The following SLMAP variants were observed in gnomAD, a reference collection of about 807,000 sequenced individuals.
The protein encoded by SLMAP is sarcolemmal membrane-associated protein.
Under a neutral mutation model 128.8 loss-of-function variants are expected in SLMAP, and 44 were observed. The ratio of observed to expected loss-of-function variants is 0.34; its 90% CI spans 0.27 to 0.44. The LOEUF (loss-of-function observed/expected upper bound fraction) is 0.44. SLMAP is among the 20% of genes least tolerant of loss of function. The probability of loss-of-function intolerance (pLI) is 1.00; values close to 1 mark genes in which losing one functional copy is unlikely to be tolerated. For missense variants in SLMAP, 787 were observed against 985.3 expected, an observed-to-expected ratio of 0.80 and a Z score of 2.69; for synonymous variants, 327 against 348.8, an observed-to-expected ratio of 0.94 and a Z score of 0.70.
At chr3:57,760,546 A>G (rs984039181) in intron 2 of SLMAP, among the ~76,000 whole-genome samples, 3 of 152,112 alleles carry the variant, frequency 2.0e-5, no homozygotes, top group Non-Finnish European at 4.4e-5. Flanking sequence ...TACAGTTCCA[A>G]AGAAAACCCA....
At chr3:57,810,088 T>C (rs1271262314) in intron 2 of SLMAP, among the ~76,000 whole-genome samples, 4 of 152,132 alleles carry the variant, frequency 2.6e-5, no homozygotes, top group Non-Finnish European at 5.9e-5. Context: ...TCCCTGTGGT[T>C]CCTGGAGGCT....
In SLMAP at chr3:57,922,934, G is replaced by A. The variant is rs149036868; in HGVS notation, c.2356G>A (p.Glu786Lys). ...TVLSELKLKF[E>K]MTEQEKQSIT... ...ACTCTCAGAACTGAAGTTGAAGTTT[G>A]AAATGACTGAGCAGGAAAAGCAGTC... Residue 786 changes from glutamate (E) to lysine (K), a missense_variant, in exon 23 of 25, where the codon GAA (glutamate) becomes AAA (lysine). Glu to Lys is a moderately conservative substitution (Grantham distance 56). This residue lies in a region of SLMAP where 715 missense variants were observed against 843.6 expected (regional missense o/e 0.85). Transcript: ENST00000671191. 20 of 1,613,644 alleles carry A rather than the reference G, an allele frequency of 1.2e-5. No homozygotes were observed. Among genetic ancestry groups the A allele is most frequent in the Non-Finnish European group, 1.6e-5 (19 of 1,179,874 alleles).
intron 2 of SLMAP, among the ~76,000 whole-genome samples, chr3:57,761,414 C>G (rs971307884): frequency 3.9e-5 from 6 of 152,056 alleles, no homozygotes; most frequent in Non-Finnish European, 5.9e-5. Context: ...CCTACCTCAG[C>G]TTCTCAAGTA....
At chr3:57,800,303 G>A (rs2087914791) in intron 2 of SLMAP, among the ~76,000 whole-genome samples, 1 of 152,080 alleles carries the variant, frequency 6.6e-6, no homozygotes, top group Non-Finnish European at 1.5e-5. Context: ...GGGATTACAG[G>A]CATCCACCAC....
intron 2 of SLMAP, among the ~76,000 whole-genome samples, chr3:57,788,622 A>G (rs536100980): frequency 1.1e-4 from 16 of 152,360 alleles, no homozygotes; most frequent in Middle Eastern, 3.4e-3. Flanking sequence ...GGCAGACTTA[A>G]AAGACCATCC....
At chr3:57,797,273 TC>T (rs2086975393) in intron 2 of SLMAP, among the ~76,000 whole-genome samples, 1 of 147,858 alleles carries the variant, frequency 6.8e-6, no homozygotes, top group African/African-American at 2.5e-5. Flanking sequence ...TCACCTGAGG[TC>T]GGGAGTTTGA....
intron 2 of SLMAP, among the ~76,000 whole-genome samples, chr3:57,815,699 T>G (rs1445982595): frequency 6.6e-6 from 1 of 151,916 alleles, no homozygotes; most frequent in Non-Finnish European, 1.5e-5. Context: ...CTTGAACTCC[T>G]GGACTCAGAC....
intron 17 of SLMAP, among the ~76,000 whole-genome samples, chr3:57,906,364 G>GGA (rs2096564138): frequency 2.4e-5 from 3 of 123,148 alleles, no homozygotes. Flanking sequence ...CGCCCAGGCT[G>GGA]GAGTGCAGTG....
At chr3:57,783,921 T>C (rs2063206272) in intron 2 of SLMAP, among the ~76,000 whole-genome samples, 1 of 152,268 alleles carries the variant, frequency 6.6e-6, no homozygotes, top group African/African-American at 2.4e-5. Context: ...AACACTGCCC[T>C]AGCTGTGGCT....
intron 21 of SLMAP, among the ~76,000 whole-genome samples, chr3:57,915,121 G>T (rs1424850638): frequency 6.6e-6 from 1 of 152,108 alleles, no homozygotes; most frequent in Non-Finnish European, 1.5e-5. Flanking sequence ...CCTGACCTTG[G>T]CCTCCCTAAG....
chr3:57,789,422 C>T (rs925344390), intron 2 of SLMAP, among the ~76,000 whole-genome samples: 3 of 151,910 alleles, frequency 2.0e-5, no homozygotes, highest in Non-Finnish European at 4.4e-5. Context: ...GCTAAATCGA[C>T]CTAACAGGAT....
At chr3:57,793,695 C>T (rs1404813631) in intron 2 of SLMAP, among the ~76,000 whole-genome samples, 3 of 152,098 alleles carry the variant, frequency 2.0e-5, no homozygotes, top group Non-Finnish European at 4.4e-5. Context: ...GCCCATATCT[C>T]CTTCAGTTTT....
rs1326196769 is a variant in SLMAP, at chr3:57,927,396, C to T, written c.*107C>T. ...GCCAGAGCTTCTCCATGAGAGCGTTCCTTGAGTCCGTACACCGTCCTCCCT... is the reference window on the plus strand; with the variant it reads ...GCCAGAGCTTCTCCATGAGAGCGTTTCTTGAGTCCGTACACCGTCCTCCCT... On this transcript the variant is annotated 3_prime_UTR_variant, in exon 25 of 25. Transcript: ENST00000671191. 2.6e-6 allele frequency: 4 copies of T among 1,546,362 alleles called. No individual in the cohort carries two copies. The highest frequency in any genetic ancestry group is 2.7e-6 in the Non-Finnish European group (3 of 1,126,862).
At chr3:57,910,294 AT>A (rs1342497190) in intron 19 of SLMAP, among the ~76,000 whole-genome samples, 12 of 151,980 alleles carry the variant, frequency 7.9e-5, no homozygotes, top group Non-Finnish European at 1.6e-4. Context: ...AGTTCAAGTG[AT>A]TCTGGAGCCT....
chr3:57,899,605 G>A (rs1333153881), intron 17 of SLMAP: 1 of 152,054 alleles, frequency 6.6e-6, no homozygotes, highest in Non-Finnish European at 1.5e-5. Flanking sequence ...TTGCTAAGTT[G>A]GTCAGGTTGG....
intron 2 of SLMAP, among the ~76,000 whole-genome samples, chr3:57,827,124 A>G (rs2092982780): frequency 6.6e-6 from 1 of 152,174 alleles, no homozygotes; most frequent in South Asian, 2.1e-4. Flanking sequence ...CCCTATATGG[A>G]CTTAGAGTTT....
intron 13 of SLMAP, among the ~76,000 whole-genome samples, chr3:57,869,657 TATA>T (rs1277402643): frequency 7.4e-5 from 10 of 135,536 alleles, no homozygotes; most frequent in Admixed American, 2.3e-4. Context: ...TATATATATA[TATA>T]ATATATATAA....
intron 19 of SLMAP, among the ~76,000 whole-genome samples, chr3:57,911,381 A>G (rs1299655296): frequency 6.6e-6 from 1 of 152,154 alleles, no homozygotes; most frequent in Non-Finnish European, 1.5e-5. Context: ...CTTGTAATTA[A>G]TTATTTTCCT....
At chr3:57,874,957 G>A (rs1163906051) in intron 14 of SLMAP, among the ~76,000 whole-genome samples, 1 of 151,656 alleles carries the variant, frequency 6.6e-6, no homozygotes, top group Non-Finnish European at 1.5e-5. Context: ...TTGTAACACA[G>A]AATAAAGTTT....
Sources: gnomAD v4.1 joint callset for allele counts (sites outside exome capture counted in the v4.1 genomes callset) on GRCh38, gnomAD v4.1.1 for gene constraint, gnomAD v4.1.1 regional missense constraint, MANE v1.5 for transcripts, NCBI Gene and HGNC (gene_info 2026-07-23, HGNC 2026-07-21) for gene names.